Variants in CDH18 observed in about 807,000 individuals in gnomAD.
The protein encoded by CDH18 is cadherin-18.
In CDH18, 31 loss-of-function variants were observed where a neutral mutation model predicts 67.9. The observed-to-expected ratio is 0.46, with a 90% CI of 0.34 to 0.62. The LOEUF (loss-of-function observed/expected upper bound fraction) is 0.62, where lower values mean the gene tolerates loss of function less well. Ranked by LOEUF, CDH18 falls within the 20% of genes least tolerant of loss-of-function variation. The pLI, the probability that CDH18 is intolerant of heterozygous loss-of-function variation, is 0.01. For missense variants in CDH18, 890 were observed against 975.5 expected, an observed-to-expected ratio of 0.91 and a Z score of 1.17; for synonymous variants, 362 against 347.2, an observed-to-expected ratio of 1.04 and a Z score of -0.48.
chr5:19,910,323 ACAGGTTTATATCAC>A (rs1790993958), intron 2 of CDH18, among the ~76,000 whole-genome samples: 4 of 152,180 alleles, frequency 2.6e-5, no homozygotes, highest in African/African-American at 9.6e-5. Context: ...GCCACTCTGT[ACAGGTTTATATCAC>A]CCCAGAGTGC....
At chr5:20,046,093 A>T (rs1366548875) in intron 2 of CDH18, among the ~76,000 whole-genome samples, 1 of 152,002 alleles carries the variant, frequency 6.6e-6, no homozygotes, top group South Asian at 2.1e-4. Context: ...AGACTTTAGG[A>T]TGCTATTACA....
chr5:20,573,943 T>C (rs1320228932), intron 1 of CDH18, among the ~76,000 whole-genome samples: 1 of 145,734 alleles, frequency 6.9e-6, no homozygotes, highest in East Asian at 2.0e-4. Context: ...TATATTTCTT[T>C]TAAGTATTTT....
intron 7 of CDH18, among the ~76,000 whole-genome samples, chr5:19,580,381 T>C (rs1743050799): frequency 6.6e-6 from 1 of 151,906 alleles, no homozygotes; most frequent in Non-Finnish European, 1.5e-5. Context: ...TGACATCTTG[T>C]ATTATAACAA....
intron 1 of CDH18, among the ~76,000 whole-genome samples, chr5:20,298,671 T>C (rs1160928687): frequency 6.6e-6 from 1 of 152,172 alleles, no homozygotes; most frequent in Non-Finnish European, 1.5e-5. Context: ...TATTACACTA[T>C]ACCAGGTACT....
intron 1 of CDH18, among the ~76,000 whole-genome samples, chr5:20,502,004 T>A (rs762687832): frequency 6.6e-6 from 1 of 151,974 alleles, no homozygotes; most frequent in Non-Finnish European, 1.5e-5. Context: ...TAGAAGGTCA[T>A]ATAAACTTGT....
intron 1 of CDH18, among the ~76,000 whole-genome samples, chr5:20,306,869 CAT>C (rs1736507225): frequency 1.9e-5 from 1 of 52,410 alleles, no homozygotes; most frequent in Non-Finnish European, 3.8e-5. Context: ...TGATTTAATA[CAT>C]GTGATAATTT....
At chr5:19,536,789 T>C (rs1334645333) in intron 9 of CDH18, among the ~76,000 whole-genome samples, 2 of 152,170 alleles carry the variant, frequency 1.3e-5, no homozygotes. Context: ...AGGATCTGCA[T>C]TATTTGTTCC....
intron 3 of CDH18, among the ~76,000 whole-genome samples, chr5:19,794,749 A>C (rs1251721974): frequency 6.6e-6 from 1 of 152,182 alleles, no homozygotes; most frequent in African/African-American, 2.4e-5. Flanking sequence ...TTGATAAATA[A>C]GACCTTCACA....
At chr5:20,533,778 C>A (rs1756554539) in intron 1 of CDH18, among the ~76,000 whole-genome samples, 1 of 151,840 alleles carries the variant, frequency 6.6e-6, no homozygotes, top group Admixed American at 6.6e-5. Flanking sequence ...TAGGCATGTC[C>A]ATTTTGTTTT....
intron 5 of CDH18, among the ~76,000 whole-genome samples, chr5:19,615,601 T>A (rs350670): frequency 6.6e-6 from 1 of 152,162 alleles, no homozygotes; most frequent in Non-Finnish European, 1.5e-5. Flanking sequence ...TGGTGTTGTA[T>A]ATGGTATGGG....
At chr5:19,509,405 A>C (rs1744765199) in intron 10 of CDH18, among the ~76,000 whole-genome samples, 1 of 152,100 alleles carries the variant, frequency 6.6e-6, no homozygotes, top group Admixed American at 6.6e-5. Context: ...CAACATACCC[A>C]TGTAAAAAAA....
chr5:19,948,879 G>A (rs1342879114), intron 2 of CDH18, among the ~76,000 whole-genome samples: 2 of 152,152 alleles, frequency 1.3e-5, no homozygotes, highest in Non-Finnish European at 2.9e-5. Flanking sequence ...CCCAGAGTTT[G>A]CTCAAGAACT....
At position 19,491,748 on chromosome 5, in the gene CDH18, A is replaced by ATTT. The variant is rs879458335; in HGVS notation, c.1631-8197_1631-8196insAAA. 2.2e-3 allele frequency among the ~76,000 whole-genome samples: 342 copies of ATTT among 152,290 alleles called. 1 individual carries two copies. Among genetic ancestry groups the ATTT allele is most frequent in the Non-Finnish European group, 3.6e-3 (247 of 67,998 alleles). ...TTTCCTTTTAAGTGTTTTGTTAAAA[A>ATTT]TTATAAAGCAACTTATAAATGTTAT... is the stretch of plus-strand genomic sequence containing the variant. On this transcript the variant is annotated intron_variant, in intron 11 of 12. Transcript: ENST00000382275.
intron 1 of CDH18, among the ~76,000 whole-genome samples, chr5:20,574,210 TA>T (rs1758989308): frequency 6.6e-6 from 1 of 151,816 alleles, no homozygotes; most frequent in South Asian, 2.1e-4. Context: ...AGTGTTTTTT[TA>T]AATATGCATT....
At chr5:19,638,968 T>C in intron 5 of CDH18, among the ~76,000 whole-genome samples, 1 of 139,038 alleles carries the variant, frequency 7.2e-6, no homozygotes, top group Non-Finnish European at 1.5e-5. Flanking sequence ...TGGGAAGTTT[T>C]TTGTTGCTGT....
intron 2 of CDH18, among the ~76,000 whole-genome samples, chr5:20,240,565 C>A (rs1261546762): frequency 6.6e-6 from 1 of 152,218 alleles, no homozygotes; most frequent in East Asian, 1.9e-4. Flanking sequence ...TCAAGACTTG[C>A]AAGTATGCAA....
intron 5 of CDH18, among the ~76,000 whole-genome samples, chr5:19,669,935 G>T (rs1272675823): frequency 6.6e-6 from 1 of 152,106 alleles, no homozygotes; most frequent in Non-Finnish European, 1.5e-5. Flanking sequence ...GGATGTGAGT[G>T]AAGACTCATG....
intron 1 of CDH18, among the ~76,000 whole-genome samples, chr5:20,491,641 G>C (rs369306096): frequency 6.6e-6 from 1 of 152,136 alleles, no homozygotes; most frequent in African/African-American, 2.4e-5. Context: ...CAGAATTTCC[G>C]CTTGCTCAAG....
intron 1 of CDH18, among the ~76,000 whole-genome samples, chr5:20,567,179 G>A (rs1397525932): frequency 1.3e-5 from 2 of 152,114 alleles, no homozygotes; most frequent in African/African-American, 4.8e-5. Flanking sequence ...GAAACAGCGA[G>A]GTAACAAATA....
Sources: allele counts gnomAD v4.1 joint callset (sites outside exome capture counted in the v4.1 genomes callset), GRCh38; gene constraint gnomAD v4.1.1; transcripts MANE v1.5; gene names NCBI Gene and HGNC (gene_info 2026-07-23, HGNC 2026-07-21).